The following MACROH2A2 variants were observed in gnomAD, a reference collection of about 807,000 sequenced individuals.
MACROH2A2 encodes the protein macroH2A.2 histone.
Under a neutral mutation model 37.6 loss-of-function variants are expected in MACROH2A2, and 6 were observed. The observed-to-expected ratio is 0.16, with a 90% CI of 0.09 to 0.32. The LOEUF is 0.32. MACROH2A2 is among the 10% of genes least tolerant of loss of function. The probability of loss-of-function intolerance (pLI) is 1.00; values close to 1 mark genes in which losing one functional copy is unlikely to be tolerated. For synonymous variants in MACROH2A2, 192 were observed against 202.7 expected (o/e 0.95, Z 0.45); for missense variants, 290 against 485.9 (o/e 0.60, Z 3.79).
intron 2 of MACROH2A2, among the ~76,000 whole-genome samples, chr10:70,082,894 T>A (rs755997381): frequency 6.6e-6 from 1 of 152,178 alleles, no homozygotes; most frequent in Non-Finnish European, 1.5e-5. Context: ...TGGATAGTTA[T>A]GGTTGTGCAA....
Position 70,075,786 on chromosome 10 carries a change from T to G in MACROH2A2, c.128T>G (p.Val43Gly). The G allele has an allele frequency of 6.2e-7, 1 of 1,613,952 alleles. No homozygotes were observed. Among genetic ancestry groups the G allele is most frequent in the Non-Finnish European group, 8.5e-7 (1 of 1,180,020 alleles). Residue 43 changes from valine to glycine, a missense_variant, in exon 2 of 9, where the codon GTG becomes GGG. This residue lies in a region of MACROH2A2 where 83 missense variants were observed against 159.9 expected (regional missense o/e 0.52). Coordinates refer to ENST00000373255, the MANE Select transcript of MACROH2A2 (RefSeq NM_018649.3). The surrounding 1 kb of genome is among the most constrained non-coding windows in gnomAD (Gnocchi z 5.0). ...GGGACGTTCAAGTACCGGATCAGCG[T>G]GGGCGCCCCTGTCTACATGGCGGCA... ...KKGTFKYRIS[V>G]GAPVYMAAVI...
intron 2 of MACROH2A2, among the ~76,000 whole-genome samples, chr10:70,078,833 A>G (rs539560231): frequency 7.1e-4 from 108 of 152,146 alleles, no homozygotes; most frequent in Non-Finnish European, 1.4e-3. Context: ...AGTAAATGAC[A>G]TGGGGGATTT....
chr10:70,069,876 C>A (rs577878455), intron 1 of MACROH2A2, among the ~76,000 whole-genome samples: 1 of 151,768 alleles, frequency 6.6e-6, no homozygotes, highest in Non-Finnish European at 1.5e-5. Context: ...AAGGGTGGCC[C>A]GGGAAAGAAG....
At chr10:70,099,368 C>G (rs1175043820) in intron 6 of MACROH2A2, 2 of 152,098 alleles carry the variant, frequency 1.3e-5, no homozygotes, top group Non-Finnish European at 2.9e-5. Context: ...ATGAACTGAA[C>G]CATAATAATA....
chr10:70,094,564 T>C (rs956011330), intron 5 of MACROH2A2, among the ~76,000 whole-genome samples: 10 of 152,176 alleles, frequency 6.6e-5, no homozygotes, highest in African/African-American at 2.2e-4. Context: ...ATTCAAAGAA[T>C]TGGGAAGAGT....
At chr10:70,088,232 A>G (rs112180030) in intron 2 of MACROH2A2, among the ~76,000 whole-genome samples, 1 of 143,222 alleles carries the variant, frequency 7.0e-6, no homozygotes, top group African/African-American at 2.6e-5. Flanking sequence ...GCACACACAC[A>G]CGCACATATG....
intron 2 of MACROH2A2, among the ~76,000 whole-genome samples, chr10:70,081,294 A>G (rs1257175586): frequency 3.3e-5 from 5 of 152,076 alleles, no homozygotes; most frequent in African/African-American, 1.2e-4. Context: ...CCATGTGGCT[A>G]TTGCTCTTAT....
intron 2 of MACROH2A2, among the ~76,000 whole-genome samples, chr10:70,080,227 C>T (rs1371262683): frequency 4.0e-5 from 6 of 151,034 alleles, no homozygotes; most frequent in South Asian, 4.2e-4. Flanking sequence ...TGTGGTGAGC[C>T]GAGATCGCGT....
At position 70,089,499 on chromosome 10, in the gene MACROH2A2, A is replaced by C. The variant is rs555315377; in HGVS notation, c.173-561A>C. 5.9e-5 allele frequency among the ~76,000 whole-genome samples: 9 copies of C among 152,324 alleles called. No homozygotes were observed. The South Asian group carries it at 1.5e-3, about 25-fold the overall frequency. On this transcript the variant is annotated intron_variant, in intron 2 of 8. Transcript: ENST00000373255. ...TCATTGATGGACACTTCCCAGAAGGACCAGAAAACACAATGGCTTGCCTTC... is the reference window on the plus strand; with the variant it reads ...TCATTGATGGACACTTCCCAGAAGGCCCAGAAAACACAATGGCTTGCCTTC...
intron 7 of MACROH2A2, among the ~76,000 whole-genome samples, chr10:70,104,799 C>T (rs1022902191): frequency 3.9e-5 from 6 of 152,102 alleles, no homozygotes; most frequent in African/African-American, 9.7e-5. Flanking sequence ...TGGTAGTGTC[C>T]CCAGGTGACA....
chr10:70,079,563 G>GCACACA (rs372348727), intron 2 of MACROH2A2, among the ~76,000 whole-genome samples: 149 of 63,184 alleles, frequency 2.4e-3, no homozygotes, highest in Non-Finnish European at 3.4e-3. Flanking sequence ...GCGCGCGCGC[G>GCACACA]CGCACACACA....
chr10:70,100,318 C>T, intron 7 of MACROH2A2, 21 bp downstream of exon 7: 1 of 1,373,982 alleles, frequency 7.3e-7, no homozygotes, highest in Non-Finnish European at 1.0e-6. Flanking sequence ...AACTAGGCTC[C>T]TGTCACCAGC....
At chr10:70,095,345 G>A (rs1263253919) in intron 5 of MACROH2A2, among the ~76,000 whole-genome samples, 20 of 150,276 alleles carry the variant, frequency 1.3e-4, no homozygotes, top group African/African-American at 3.2e-4. Context: ...TCCAGCCTGG[G>A]AGACAGAGTG....
intron 4 of MACROH2A2, 77 bp from the exon 5 acceptor site, chr10:70,093,658 G>A (rs370708667): frequency 5.9e-5 from 44 of 743,162 alleles, no homozygotes; most frequent in African/African-American, 1.4e-4. Flanking sequence ...GGTGGCAGCC[G>A]TGAGAAGAGC....
At position 70,079,565 on chromosome 10, in the gene MACROH2A2, G is replaced by GCACACACACACACA. The variant is rs56247035; in HGVS notation, c.172+3763_172+3776dup. Among the ~76,000 whole-genome samples the GCACACACACACACA allele has an allele frequency of 1.9e-3, 240 of 126,254 alleles. 2 individuals carry two copies. Among genetic ancestry groups the GCACACACACACACA allele is most frequent in the East Asian group, 6.8e-3 (28 of 4,104 alleles). 82.8% of individuals were successfully genotyped at this position (126,254 alleles called of 152,430 possible). ...ACGTTGAGGGTTCGCGCGCGCGCGC[G>GCACACACACACACA]CACACACACACACACACACACACAC... On this transcript the variant is annotated intron_variant, in intron 2 of 8. Transcript: ENST00000373255.
chr10:70,097,436 C>T (rs2072282314), intron 6 of MACROH2A2, among the ~76,000 whole-genome samples: 1 of 152,158 alleles, frequency 6.6e-6, no homozygotes, highest in Admixed American at 6.5e-5. Flanking sequence ...GAGTCCCTCC[C>T]ATTACGATTC....
intron 5 of MACROH2A2, among the ~76,000 whole-genome samples, chr10:70,094,653 A>C (rs543791745): frequency 5.9e-5 from 9 of 152,308 alleles, no homozygotes; most frequent in Non-Finnish European, 1.0e-4. Context: ...GGTGGAATTT[A>C]TGTCCCCTCT....
intron 8 of MACROH2A2, 30 bp from the exon 9 acceptor site, chr10:70,111,488 G>T: frequency 6.2e-7 from 1 of 1,604,506 alleles, no homozygotes; most frequent in Non-Finnish European, 8.5e-7. Context: ...GGACCAAAAT[G>T]ACATCGGCTC....
At position 70,107,845 on chromosome 10, in the gene MACROH2A2, C is replaced by T. The variant is rs1039020341; in HGVS notation, c.779-1188C>T. Among the ~76,000 whole-genome samples, 2 of 152,102 alleles carry T rather than the reference C, an allele frequency of 1.3e-5. No individual in the cohort carries two copies. The highest frequency in any genetic ancestry group is 1.3e-4 in the Admixed American group (2 of 15,282). ...TCCTAAAATCACATAAGCATAAGCCCCTGCACCAGACCTACTGAGTCAGGA... is the reference window on the plus strand; with the variant it reads ...TCCTAAAATCACATAAGCATAAGCCTCTGCACCAGACCTACTGAGTCAGGA... On this transcript the variant is annotated intron_variant, in intron 7 of 8. Transcript: ENST00000373255. The surrounding 1 kb of genome is among the most constrained non-coding windows in gnomAD (Gnocchi z 4.4).
Sources: allele counts gnomAD v4.1 joint callset (sites outside exome capture counted in the v4.1 genomes callset), GRCh38; gene constraint gnomAD v4.1.1; regional missense constraint gnomAD v4.1.1; non-coding constraint Gnocchi (gnomAD v3.1); transcripts MANE v1.5; gene names NCBI Gene and HGNC (gene_info 2026-07-23, HGNC 2026-07-21).